Variants in SOX6 observed in about 807,000 individuals in gnomAD.
The protein encoded by SOX6 is SRY-box transcription factor 6.
A neutral mutation model predicts 97.8 loss-of-function variants in SOX6; 11 were observed. That is an observed-to-expected ratio of 0.11 (90% CI 0.07 to 0.19). The LOEUF is 0.19. Among genes scored for constraint, SOX6 ranks in the 10% least tolerant of loss-of-function variants. The pLI is 1.00. For missense variants in SOX6, 810 were observed against 1,039.5 expected (o/e 0.78, Z 3.04); for synonymous variants, 360 against 371.4 (o/e 0.97, Z 0.35).
chr11:15,988,862 C>A, intron 14 of SOX6, 135 bp downstream of exon 14: 1 of 821,066 alleles, frequency 1.2e-6, no homozygotes, highest in Admixed American at 2.1e-5. Context: ...CCTGCGGCAG[C>A]TGGCTGACCT....
chr11:16,082,946 G>A lies in SOX6; in HGVS notation c.1101+13050C>T, dbSNP rs16932530. Among the ~76,000 whole-genome samples, 1,353 of 152,192 alleles carry A rather than the reference G, an allele frequency of 8.9e-3. 19 individuals carry two copies. Among genetic ancestry groups the A allele is most frequent in the East Asian group, 0.043 (220 of 5,176 alleles). ...TGCCAACTGTTTGTCGTTTCTGAAT[G>A]TGCCGTGCTGTCTATTGCTTCTACA... On this transcript the variant is annotated intron_variant, in intron 9 of 15. Transcript: ENST00000683767.
At chr11:16,487,303 C>T (rs1229623009) in intron 4 of SOX6, among the ~76,000 whole-genome samples, 1 of 152,020 alleles carries the variant, frequency 6.6e-6, no homozygotes, top group Non-Finnish European at 1.5e-5. Context: ...GATAAAGATA[C>T]AAGCAAGTCT....
chr11:16,702,258 A>G (rs1056790282), intron 3 of SOX6, among the ~76,000 whole-genome samples: 1 of 152,198 alleles, frequency 6.6e-6, no homozygotes, highest in African/African-American at 2.4e-5. Context: ...GCTTAAAAGT[A>G]CTGGGACAAT....
At chr11:16,538,537 TA>T (rs1236366992) in intron 4 of SOX6, among the ~76,000 whole-genome samples, 2 of 152,032 alleles carry the variant, frequency 1.3e-5, no homozygotes, top group Non-Finnish European at 2.9e-5. Context: ...GCAAACTGGA[TA>T]AAGAGTCAAG....
intron 4 of SOX6, among the ~76,000 whole-genome samples, chr11:16,491,549 T>A (rs1860511037): frequency 6.6e-6 from 1 of 151,954 alleles, no homozygotes; most frequent in South Asian, 2.1e-4. Flanking sequence ...GTGTGCCTAA[T>A]ATAGTAAGTT....
intron 4 of SOX6, among the ~76,000 whole-genome samples, chr11:16,554,234 AG>A (rs1273528287): frequency 6.6e-6 from 1 of 152,118 alleles, no homozygotes; most frequent in East Asian, 1.9e-4. Context: ...CTTTGATAAC[AG>A]GTTTCTCAAA....
intron 12 of SOX6, among the ~76,000 whole-genome samples, chr11:16,044,955 T>C (rs1855781397): frequency 7.1e-6 from 1 of 141,032 alleles, no homozygotes; most frequent in African/African-American, 2.7e-5. Flanking sequence ...TATCTATCTA[T>C]CTGTCTATCT....
intron 4 of SOX6, among the ~76,000 whole-genome samples, chr11:16,578,972 C>T (rs1478118874): frequency 2.0e-5 from 3 of 152,204 alleles, no homozygotes; most frequent in Admixed American, 2.0e-4. Flanking sequence ...ATTTTCAGCT[C>T]TCCTCTGAAA....
intron 9 of SOX6, among the ~76,000 whole-genome samples, chr11:16,068,602 G>A (rs1848149151): frequency 6.6e-6 from 1 of 152,038 alleles, no homozygotes; most frequent in Non-Finnish European, 1.5e-5. Context: ...ACGGGAGTAG[G>A]GGAAGAACTA....
intron 2 of SOX6, among the ~76,000 whole-genome samples, chr11:16,716,087 T>G (rs1381758367): frequency 3.3e-5 from 5 of 151,986 alleles, no homozygotes; most frequent in Non-Finnish European, 5.9e-5. Flanking sequence ...ATACAAAAAT[T>G]TATCCAGGCA....
intron 4 of SOX6, among the ~76,000 whole-genome samples, chr11:16,220,046 T>C (rs955643016): frequency 6.6e-6 from 1 of 152,098 alleles, no homozygotes; most frequent in South Asian, 2.1e-4. Flanking sequence ...TTAATAATAG[T>C]AAAATCTTTT....
intron 12 of SOX6, among the ~76,000 whole-genome samples, chr11:16,036,936 A>C (rs1212932345): frequency 1.3e-5 from 2 of 152,228 alleles, no homozygotes; most frequent in Admixed American, 1.3e-4. Flanking sequence ...AAAACAGTTT[A>C]GAATCTACTC....
chr11:16,447,688 A>G (rs771918570), intron 1 of SOX6, among the ~76,000 whole-genome samples: 1 of 152,206 alleles, frequency 6.6e-6, no homozygotes, highest in African/African-American at 2.4e-5. Context: ...TAGTTCTTTG[A>G]AAACAATGGC....
chr11:16,552,731 T>G (rs1198422252), intron 4 of SOX6, among the ~76,000 whole-genome samples: 1 of 152,206 alleles, frequency 6.6e-6, no homozygotes, highest in Admixed American at 6.6e-5. Context: ...TCTTTTTTAC[T>G]AAAAGACTTA....
At chr11:16,623,747 G>C (rs1487046749) in intron 3 of SOX6, among the ~76,000 whole-genome samples, 1 of 152,134 alleles carries the variant, frequency 6.6e-6, no homozygotes, top group African/African-American at 2.4e-5. Flanking sequence ...TATAAGGTGA[G>C]AGATGAGGAT....
intron 1 of SOX6, among the ~76,000 whole-genome samples, chr11:16,353,289 C>A (rs1044806483): frequency 6.6e-6 from 1 of 152,012 alleles, no homozygotes; most frequent in Admixed American, 6.6e-5. Flanking sequence ...ATTTAACACA[C>A]TACCCGTCTA....
At chr11:16,106,957 C>A (rs1342391467) in intron 7 of SOX6, among the ~76,000 whole-genome samples, 3 of 151,870 alleles carry the variant, frequency 2.0e-5, no homozygotes, top group African/African-American at 7.3e-5. Context: ...CAGGAGATAT[C>A]CAAATGGCCA....
At chr11:16,527,272 T>C (rs1336750337) in intron 4 of SOX6, among the ~76,000 whole-genome samples, 2 of 152,168 alleles carry the variant, frequency 1.3e-5, no homozygotes, top group Non-Finnish European at 2.9e-5. Context: ...TGAAATTGCA[T>C]TTCCACTTTC....
At chr11:16,229,793 A>G (rs1187967539) in intron 4 of SOX6, among the ~76,000 whole-genome samples, 1 of 151,896 alleles carries the variant, frequency 6.6e-6, no homozygotes, top group Non-Finnish European at 1.5e-5. Context: ...CTAGGCCTAG[A>G]TGTTTTATGA....
Sources: gnomAD v4.1 joint callset for allele counts (sites outside exome capture counted in the v4.1 genomes callset) on GRCh38, gnomAD v4.1.1 for gene constraint, MANE v1.5 for transcripts, NCBI Gene and HGNC (gene_info 2026-07-23, HGNC 2026-07-21) for gene names.